COL4A4: variants seen among roughly 807,000 people sequenced by gnomAD.
The protein encoded by COL4A4 is collagen type IV alpha 4 chain, also known as collagen alpha-4(IV) chain.
COL4A4 carries 105 observed loss-of-function variants against 192.9 expected under a neutral mutation model. The observed-to-expected ratio is 0.54, with a 90% CI of 0.46 to 0.64. The LOEUF is 0.64. Among genes scored for constraint, COL4A4 ranks in the 30% least tolerant of loss-of-function variants. The pLI is 0.00. For synonymous variants in COL4A4, 762 were observed against 769.9 expected, an observed-to-expected ratio of 0.99 and a Z score of 0.17; for missense variants, 1,967 against 2,169.3, an observed-to-expected ratio of 0.91 and a Z score of 1.85.
chr2:227,141,481 T>C (rs1219613459), intron 3 of COL4A4, among the ~76,000 whole-genome samples: 2 of 152,236 alleles, frequency 1.3e-5, no homozygotes, highest in Non-Finnish European at 2.9e-5. Flanking sequence ...AACAGGTATA[T>C]GTGTATGGGA....
chr2:227,048,637 T>A (rs1014869878), intron 34 of COL4A4, among the ~76,000 whole-genome samples: 2 of 152,194 alleles, frequency 1.3e-5, no homozygotes, highest in African/African-American at 4.8e-5. Context: ...CAGAACTATG[T>A]CTCCTATCTG....
In COL4A4 at chr2:227,103,185, T is replaced by C; in HGVS notation, c.829A>G (p.Ile277Val). 6.2e-7 allele frequency: 1 copy of C among 1,612,628 alleles called. No individual in the cohort carries two copies. Among genetic ancestry groups the C allele is most frequent in the Non-Finnish European group, 8.5e-7 (1 of 1,179,258 alleles). Reference sequence around the variant, plus strand: ...CCTGGCAGTCCAACCATTCCAGGAATTCCTTTTATACCCTAAAAATTACAA... The same window carrying C: ...CCTGGCAGTCCAACCATTCCAGGAACTCCTTTTATACCCTAAAAATTACAA... ...LYKGEKGIKGIPGMVGLPGPP... is the reference protein window; with the variant it reads ...LYKGEKGIKGVPGMVGLPGPP... Residue 277 changes from isoleucine to valine, a missense_variant, in exon 14 of 48, where the codon ATT (isoleucine) becomes GTT (valine). Ile to Val is a conservative substitution (Grantham distance 29). Coordinates refer to ENST00000396625, the MANE Select transcript of COL4A4 (RefSeq NM_000092.5).
rs1258499665 is a variant in COL4A4, at chr2:227,088,759, C to T, written c.1517G>A (p.Gly506Glu). ...PGPMGPPGPP[G>E]LPGRQGSKGD... The stretch of plus-strand genomic sequence containing the variant: ...CTTACTCCCCTGCCTCCCAGGAAGT[C>T]CTGGAGGGCCAGGGGGGCCCATGGG... Residue 506 changes from glycine to glutamate, a missense_variant, in exon 22 of 48, where the codon GGA (glycine) becomes GAA (glutamate). Coordinates refer to ENST00000396625, the MANE Select transcript of COL4A4 (RefSeq NM_000092.5). 1 of 1,614,136 alleles carries T rather than the reference C, an allele frequency of 6.2e-7. No individual in the cohort carries two copies. Among genetic ancestry groups the T allele is most frequent in the South Asian group, 1.1e-5 (1 of 91,086 alleles).
intron 4 of COL4A4, among the ~76,000 whole-genome samples, chr2:227,138,770 GTAAAATAGGCCAA>G (rs1428626496): frequency 4.6e-5 from 7 of 152,306 alleles, no homozygotes; most frequent in African/African-American, 1.7e-4. Flanking sequence ...GCTGCTCCCA[GTAAAATAGGCCAA>G]CAAAGGAACC....
intron 35 of COL4A4, among the ~76,000 whole-genome samples, chr2:227,043,420 T>C (rs541874380): frequency 6.6e-6 from 1 of 152,348 alleles, no homozygotes; most frequent in African/African-American, 2.4e-5. Flanking sequence ...CAATTTTATA[T>C]TCTGGTTTTT....
intron 4 of COL4A4, among the ~76,000 whole-genome samples, chr2:227,121,608 G>A (rs1431900220): frequency 2.0e-5 from 3 of 147,140 alleles, no homozygotes; most frequent in African/African-American, 2.5e-5. Context: ...AAAGATAAAA[G>A]GAAAAGGAAA....
At chr2:226,988,238 T>A in the COL4A4 span, 9 of 1,130,222 alleles carry the variant, frequency 8.0e-6, no homozygotes, top group Non-Finnish European at 1.1e-5. Context: ...AGCAAGAGGT[T>A]GGGAGTAGGA....
At chr2:227,041,916 AAGAAAG>A (rs1553633585) in intron 37 of COL4A4, among the ~76,000 whole-genome samples, 2 of 150,738 alleles carry the variant, frequency 1.3e-5, no homozygotes, top group Non-Finnish European at 3.0e-5. Context: ...GAAAGAAAGA[AAGAAAG>A]AAAATGGTAG....
At position 227,003,170 on chromosome 2, in the gene COL4A4, T is replaced by C. The variant is rs1017427467; in HGVS notation, c.*4155A>G. 3.3e-5 allele frequency: 5 copies of C among 152,210 alleles called. No individual in the cohort carries two copies. The highest frequency in any genetic ancestry group is 9.6e-5 in the African/African-American group (4 of 41,454). The allele number at this position is 152,210 out of a possible 1,614,324, so 9.4% of individuals were successfully genotyped here. Reference sequence around the variant, plus strand: ...AATGACATTAAGAATTGGCCACATATAAATAATTCTAATCAGTAATTTATA... The same window carrying C: ...AATGACATTAAGAATTGGCCACATACAAATAATTCTAATCAGTAATTTATA... On this transcript the variant is annotated 3_prime_UTR_variant, in exon 48 of 48. Transcript: ENST00000396625.
At chr2:226,981,326 C>T in the COL4A4 span, among the ~76,000 whole-genome samples, 2 of 151,402 alleles carry the variant, frequency 1.3e-5, no homozygotes, top group Non-Finnish European at 2.9e-5. Flanking sequence ...GTAACGAGAC[C>T]ACACATTGTG....
At chr2:227,091,303 A>ATATAG (rs763292952) in intron 20 of COL4A4, among the ~76,000 whole-genome samples, 259 of 134,220 alleles carry the variant, frequency 1.9e-3, no homozygotes, top group African/African-American at 2.5e-3. Context: ...TATAGATATA[A>ATATAG]ATAGATCATG....
chr2:227,035,552 T>C (rs553773838), intron 37 of COL4A4, among the ~76,000 whole-genome samples: 1 of 150,732 alleles, frequency 6.6e-6, no homozygotes, highest in East Asian at 1.9e-4. Flanking sequence ...AAAATGGGAA[T>C]GCATCTTTAT....
chr2:227,060,101 G>GAAAAAAAAGAAA, intron 27 of COL4A4, 35 bp downstream of exon 27: 1 of 503,760 alleles, frequency 2.0e-6, no homozygotes, highest in East Asian at 3.8e-5. Context: ...TCCCAAAGCA[G>GAAAAAAAAGAAA]AAAAAAAAAA....
chr2:226,976,903 T>G, the COL4A4 span, among the ~76,000 whole-genome samples: 1 of 152,214 alleles, frequency 6.6e-6, no homozygotes, highest in Non-Finnish European at 1.5e-5. Context: ...TTCATTTATT[T>G]TGACCCCCTC....
In COL4A4 at chr2:227,007,340, G is replaced by A. The variant is rs1485012691; in HGVS notation, c.5058C>T (p.Cys1686=). The A allele has an allele frequency of 1.1e-5, 17 of 1,614,126 alleles. No homozygotes were observed. The highest frequency in any genetic ancestry group is 1.3e-5 in the African/African-American group (1 of 74,934). The change falls in exon 48 of 48, where the codon TGC becomes TGT. Residue 1686 remains cysteine (C), a synonymous_variant. Coordinates refer to ENST00000396625, the MANE Select transcript of COL4A4 (RefSeq NM_000092.5). The part of the protein sequence containing the change: ...QRQKISRCQV[C]VKYS ...TTCGCATTCTCTAGCTATACTTCAC[G>A]CAGACCTGGCACCGGCTGATTTTCT...
intron 19 of COL4A4, among the ~76,000 whole-genome samples, chr2:227,097,595 CTA>C (rs760969316): frequency 9.2e-5 from 14 of 152,138 alleles, no homozygotes; most frequent in Non-Finnish European, 1.8e-4. Flanking sequence ...GCTGGAGACA[CTA>C]TTCTATTACA....
intron 24 of COL4A4, 95 bp downstream of exon 24, chr2:227,080,348 G>T: frequency 3.5e-6 from 4 of 1,142,660 alleles, no homozygotes; most frequent in South Asian, 2.5e-5. Flanking sequence ...ATATTTTACT[G>T]AATTTCAGCT....
chr2:227,142,273 AT>A (rs1410939840), intron 3 of COL4A4, among the ~76,000 whole-genome samples: 1 of 152,214 alleles, frequency 6.6e-6, no homozygotes, highest in African/African-American at 2.4e-5. Context: ...TCAAAAATAG[AT>A]TGTATAAATT....
chr2:226,978,350 TG>T, the COL4A4 span, among the ~76,000 whole-genome samples: 1 of 152,274 alleles, frequency 6.6e-6, no homozygotes, highest in South Asian at 2.1e-4. Flanking sequence ...AGCCACTAGT[TG>T]GAGTAGAGAA....
Sources: allele counts gnomAD v4.1 joint callset (sites outside exome capture counted in the v4.1 genomes callset), GRCh38; gene constraint gnomAD v4.1.1; transcripts MANE v1.5; gene names NCBI Gene and HGNC (gene_info 2026-07-23, HGNC 2026-07-21).